Variants in RSPO3 observed in about 807,000 individuals in gnomAD.
RSPO3 encodes R-spondin 3.
In RSPO3, 17 loss-of-function variants were observed where a neutral mutation model predicts 36.5. That is an observed-to-expected ratio of 0.47 (90% CI 0.32 to 0.70). The LOEUF is 0.70. Ranked by LOEUF, RSPO3 falls within the 30% of genes least tolerant of loss-of-function variation. RSPO3 has a pLI of 0.04. For missense variants in RSPO3, 294 were observed against 322.5 expected (o/e 0.91, Z 0.68); for synonymous variants, 108 against 107.0 (o/e 1.01, Z -0.06).
At chr6:127,127,719 T>G (rs180875509) in intron 1 of RSPO3, among the ~76,000 whole-genome samples, 3 of 152,204 alleles carry the variant, frequency 2.0e-5, no homozygotes, top group Admixed American at 2.0e-4. Context: ...GATTCTTCAC[T>G]CCACCTTAAC....
intron 1 of RSPO3, among the ~76,000 whole-genome samples, chr6:127,131,066 T>A (rs1774043457): frequency 6.6e-6 from 1 of 152,104 alleles, no homozygotes; most frequent in African/African-American, 2.4e-5. Flanking sequence ...ACTTTCCAGT[T>A]CTATCCAGAG....
Position 127,190,481 on chromosome 6 carries a change from T to C in RSPO3, c.635-5342T>C, listed in dbSNP as rs981820066. ...AACAAAAGCTGGAATTTTCATTCTC[T>C]ATACATAATAATCAGGTCCAATTCC... On this transcript the variant is annotated intron_variant, in intron 4 of 4. Transcript: ENST00000356698. 2.6e-5 allele frequency among the ~76,000 whole-genome samples: 4 copies of C among 152,120 alleles called. No individual in the cohort carries two copies. In the East Asian group the frequency reaches 7.7e-4, roughly 29 times the overall value.
In RSPO3 at chr6:127,197,300, TA is replaced by T. The variant is rs1775534412; in HGVS notation, c.*1294del. On this transcript the variant is annotated 3_prime_UTR_variant, in exon 5 of 5. Coordinates refer to ENST00000356698, the MANE Select transcript of RSPO3 (RefSeq NM_032784.5). ...CTAATTATAGACACATGGGCCTCCC[TA>T]GCTGATTTCACTGCTCCCCCTTCAT... 8.1e-7 allele frequency: 1 copy of T among 1,229,530 alleles called. No individual in the cohort carries two copies. Among genetic ancestry groups the T allele is most frequent in the Admixed American group, 2.5e-5 (1 of 40,302 alleles). 76.2% of individuals were successfully genotyped at this position (1,229,530 alleles called of 1,614,324 possible).
At chr6:127,160,072 C>A (rs1345605626) in intron 4 of RSPO3, among the ~76,000 whole-genome samples, 3 of 152,114 alleles carry the variant, frequency 2.0e-5, no homozygotes, top group East Asian at 3.9e-4. Flanking sequence ...TGGCTATAAT[C>A]ATTTCTTTTT....
At position 127,118,976 on chromosome 6, in the gene RSPO3, A is replaced by G. The variant is rs890290830; in HGVS notation, c.-217A>G. The G allele has an allele frequency of 5.4e-6, 2 of 371,986 alleles. No individual in the cohort carries two copies. The highest frequency in any genetic ancestry group is 4.8e-6 in the Non-Finnish European group (1 of 209,744). The allele number at this position is 371,986 out of a possible 1,614,324, so 23.0% of individuals were successfully genotyped here. On this transcript the variant is annotated 5_prime_UTR_variant, in exon 1 of 5. Transcript: ENST00000356698. ...CACCCCAGCGAAGCCGCCGCAGTTC[A>G]GTGCTTGGATAATTTGAAAGTACAA...
intron 4 of RSPO3, among the ~76,000 whole-genome samples, chr6:127,177,355 A>AT (rs1256975037): frequency 1.3e-5 from 2 of 151,858 alleles, no homozygotes; most frequent in Admixed American, 1.3e-4. Flanking sequence ...GAAGGGGCAC[A>AT]TTCATCTGGT....
chr6:127,133,332 T>A, intron 1 of RSPO3, among the ~76,000 whole-genome samples: 1 of 152,080 alleles, frequency 6.6e-6, no homozygotes, highest in East Asian at 1.9e-4. Flanking sequence ...TGGAAGATAA[T>A]CCTGTCTTTC....
intron 1 of RSPO3, among the ~76,000 whole-genome samples, chr6:127,147,734 C>T (rs1033090218): frequency 1.3e-5 from 2 of 152,164 alleles, no homozygotes; most frequent in African/African-American, 2.4e-5. Flanking sequence ...AACTCACACA[C>T]TGGTAACTCT....
chr6:127,195,903 G>T lies in RSPO3; in HGVS notation c.715G>T (p.Glu239Ter). Residue 239 changes from glutamate (E) to a stop codon, truncating the protein, a stop_gained, in exon 5 of 5, where the codon GAA becomes TAA. Coordinates refer to ENST00000356698, the MANE Select transcript of RSPO3 (RefSeq NM_032784.5). LOFTEE classifies it high-confidence loss of function. ...KEAIPDSKSL[E>*]SSKEIPEQRE... ...AGCAATACCTGACAGCAAAAGTCTGGAATCCAGCAAAGAAATCCCAGAGCA... is the reference window on the plus strand; with the variant it reads ...AGCAATACCTGACAGCAAAAGTCTGTAATCCAGCAAAGAAATCCCAGAGCA... 6.2e-7 allele frequency: 1 copy of T among 1,613,040 alleles called. No homozygotes were observed. The highest frequency in any genetic ancestry group is 8.5e-7 in the Non-Finnish European group (1 of 1,179,382).
chr6:127,168,131 C>A (rs1359998154), intron 4 of RSPO3, among the ~76,000 whole-genome samples: 2 of 152,124 alleles, frequency 1.3e-5, no homozygotes, highest in East Asian at 3.9e-4. Flanking sequence ...AATGGGATGG[C>A]TGGGTCAAAT....
Position 127,198,270 on chromosome 6 carries a change from A to G in RSPO3, c.*2263A>G, listed in dbSNP as rs1036342426. ...ATAAAAGTAGAATTATTACAAAGGA[A>G]AAAGAAATAAAAACTAACATTCATT... On this transcript the variant is annotated 3_prime_UTR_variant, in exon 5 of 5. Coordinates refer to ENST00000356698, the MANE Select transcript of RSPO3 (RefSeq NM_032784.5). 3.9e-5 allele frequency among the ~76,000 whole-genome samples: 6 copies of G among 152,256 alleles called. No homozygotes were observed. The highest frequency in any genetic ancestry group is 7.3e-5 in the Non-Finnish European group (5 of 68,038).
Position 127,150,579 on chromosome 6 carries a change from A to G in RSPO3, c.436+7A>G. 3 of 1,603,058 alleles carry G rather than the reference A, an allele frequency of 1.9e-6. No homozygotes were observed. The highest frequency in any genetic ancestry group is 2.6e-6 in the Non-Finnish European group (3 of 1,175,756). ...ATGGAGTGTGTCAGTATTGGTAAGG[A>G]GAACCTGTAATAATTTGAGTAAGTG... On this transcript the variant is annotated splice_region_variant and intron_variant, in intron 3 of 4. Coordinates refer to ENST00000356698, the MANE Select transcript of RSPO3 (RefSeq NM_032784.5).
chr6:127,157,080 G>C (rs1055705514), intron 4 of RSPO3, among the ~76,000 whole-genome samples: 1 of 152,122 alleles, frequency 6.6e-6, no homozygotes, highest in Non-Finnish European at 1.5e-5. Flanking sequence ...AAGCTGGCTA[G>C]TGAAAAAGGC....
At position 127,193,581 on chromosome 6, in the gene RSPO3, T is replaced by C. The variant is rs563251696; in HGVS notation, c.635-2242T>C. Reference sequence around the variant, plus strand: ...AACACCTCCAAAATGCTCCTCAATATGGAAATATTATGTAATCCAACCTTT... The same window carrying C: ...AACACCTCCAAAATGCTCCTCAATACGGAAATATTATGTAATCCAACCTTT... On this transcript the variant is annotated intron_variant, in intron 4 of 4. Transcript: ENST00000356698. 1.1e-4 allele frequency among the ~76,000 whole-genome samples: 17 copies of C among 152,328 alleles called. No homozygotes were observed. The South Asian group carries it at 1.9e-3, about 17-fold the overall frequency.
At chr6:127,185,061 T>C (rs550070662) in intron 4 of RSPO3, among the ~76,000 whole-genome samples, 1 of 152,160 alleles carries the variant, frequency 6.6e-6, no homozygotes, top group South Asian at 2.1e-4. Context: ...AAAATCTTAC[T>C]AATCTTGCTA....
rs1775528333 is a variant in RSPO3 at position 127,197,058 on chromosome 6, T to C, written c.*1051T>C. 1 of 173,696 alleles carries C rather than the reference T, an allele frequency of 5.8e-6. No individual in the cohort carries two copies. Among genetic ancestry groups the C allele is most frequent in the Non-Finnish European group, 1.2e-5 (1 of 80,766 alleles). The allele number at this position is 173,696 out of a possible 1,614,324, so 10.8% of individuals were successfully genotyped here. On this transcript the variant is annotated 3_prime_UTR_variant, in exon 5 of 5. Transcript: ENST00000356698. The stretch of plus-strand genomic sequence containing the variant: ...TTTTCAAGTTTTGTTCACTCTGTTT[T>C]ATTGTTTGTTTTATTGAGAAATTCT...
chr6:127,186,043 A>T (rs1221961275), intron 4 of RSPO3, among the ~76,000 whole-genome samples: 1 of 152,168 alleles, frequency 6.6e-6, no homozygotes, highest in Non-Finnish European at 1.5e-5. Flanking sequence ...ATGCCCAGAG[A>T]ATATTCTTTC....
rs116740617 is a variant in RSPO3 at position 127,149,623 on chromosome 6, C to A, written c.289+784C>A. On this transcript the variant is annotated intron_variant, in intron 2 of 4. Coordinates refer to ENST00000356698, the MANE Select transcript of RSPO3 (RefSeq NM_032784.5). ...ATAATCAGCCTGTTCCCCTTGTCAA[C>A]CACCCTCCATCTCTTTTTCCCACCA... Among the ~76,000 whole-genome samples the A allele has an allele frequency of 1.5e-3, 226 of 152,148 alleles. 1 individual carries two copies. The highest frequency in any genetic ancestry group is 5.2e-3 in the African/African-American group (217 of 41,538).
At chr6:127,140,783 G>C (rs754290675) in intron 1 of RSPO3, among the ~76,000 whole-genome samples, 1 of 152,102 alleles carries the variant, frequency 6.6e-6, no homozygotes, top group African/African-American at 2.4e-5. Flanking sequence ...AGCACTCAAC[G>C]CATTGCAGCC....
Sources: gnomAD v4.1 joint callset for allele counts (sites outside exome capture counted in the v4.1 genomes callset) on GRCh38, gnomAD v4.1.1 for gene constraint, MANE v1.5 for transcripts, NCBI Gene and HGNC (gene_info 2026-07-23, HGNC 2026-07-21) for gene names.